The following AUTS2 variants were observed in gnomAD, a reference collection of about 807,000 sequenced individuals.
The protein encoded by AUTS2 is autism susceptibility gene 2 protein.
A neutral mutation model predicts 112.4 loss-of-function variants in AUTS2; 17 were observed. The ratio of observed to expected loss-of-function variants is 0.15; its 90% CI spans 0.10 to 0.23. The LOEUF (loss-of-function observed/expected upper bound fraction) is 0.23, where lower values mean the gene tolerates loss of function less well. AUTS2 is among the 10% of genes least tolerant of loss of function. The pLI, the probability that AUTS2 is intolerant of heterozygous loss-of-function variation, is 1.00. For synonymous variants in AUTS2, 751 were observed against 702.7 expected (o/e 1.07, Z -1.09); for missense variants, 1,510 against 1,701.6 (o/e 0.89, Z 1.98).
intron 5 of AUTS2, among the ~76,000 whole-genome samples, chr7:70,456,862 G>GAGTGTGA (rs1796761109): frequency 6.6e-6 from 1 of 152,214 alleles, no homozygotes; most frequent in Non-Finnish European, 1.5e-5. Context: ...GTGGGCCCTG[G>GAGTGTGA]AGTGTGAAGT....
At chr7:70,485,255 A>T (rs938982073) in intron 5 of AUTS2, among the ~76,000 whole-genome samples, 3 of 152,226 alleles carry the variant, frequency 2.0e-5, no homozygotes, top group Admixed American at 2.0e-4. Flanking sequence ...CAACAAGTGG[A>T]TAAAGAAAAT....
At chr7:70,539,857 A>C (rs548590276) in intron 5 of AUTS2, among the ~76,000 whole-genome samples, 3 of 152,198 alleles carry the variant, frequency 2.0e-5, no homozygotes, top group African/African-American at 7.2e-5. Flanking sequence ...CTGCCAACAA[A>C]ACCAGCGCTG....
chr7:70,266,730 TA>T (rs1043692616), intron 4 of AUTS2, among the ~76,000 whole-genome samples: 1 of 152,170 alleles, frequency 6.6e-6, no homozygotes, highest in South Asian at 2.1e-4. Flanking sequence ...TAAAGCTGTT[TA>T]AAAAAAACCC....
chr7:70,176,971 A>G (rs1298716072), intron 4 of AUTS2, among the ~76,000 whole-genome samples: 1 of 152,232 alleles, frequency 6.6e-6, no homozygotes, highest in Non-Finnish European at 1.5e-5. Flanking sequence ...AGTAAAAAGT[A>G]TATTAGCAAG....
intron 1 of AUTS2, among the ~76,000 whole-genome samples, chr7:69,601,377 G>T (rs1406946248): frequency 6.6e-6 from 1 of 152,090 alleles, no homozygotes; most frequent in Non-Finnish European, 1.5e-5. Flanking sequence ...CTCACATACG[G>T]TAACTGTACA....
rs1199080089 is a variant in AUTS2 at position 70,303,431 on chromosome 7, C to T, written c.661-132321C>T. The stretch of plus-strand genomic sequence containing the variant: ...GTGCACGCACACACACACGCGCGCG[C>T]GCGCACATACACACACACACACACA... On this transcript the variant is annotated intron_variant, in intron 4 of 18. Transcript: ENST00000342771. Among the ~76,000 whole-genome samples, 16 of 133,272 alleles carry T rather than the reference C, an allele frequency of 1.2e-4. No homozygotes were observed. In the South Asian group the frequency reaches 1.2e-3, roughly 10 times the overall value. The allele number at this position is 133,272 out of a possible 152,430, so 87.4% of individuals were successfully genotyped here. A position where few individuals can be genotyped will look rare whatever the true frequency, so the allele number is the denominator to read the frequency against.
intron 5 of AUTS2, among the ~76,000 whole-genome samples, chr7:70,623,766 G>C (rs1007678157): frequency 6.6e-6 from 1 of 152,222 alleles, no homozygotes; most frequent in Non-Finnish European, 1.5e-5. Flanking sequence ...TGCCAAGAAT[G>C]CTGGCCAGGC....
chr7:70,720,212 T>G (rs1441653055), intron 6 of AUTS2, among the ~76,000 whole-genome samples: 1 of 151,744 alleles, frequency 6.6e-6, no homozygotes, highest in East Asian at 1.9e-4. Context: ...ATTTTTTTTT[T>G]TAATGCCACC....
At chr7:70,557,378 C>G (rs1484567425) in intron 5 of AUTS2, among the ~76,000 whole-genome samples, 4 of 152,216 alleles carry the variant, frequency 2.6e-5, no homozygotes, top group Non-Finnish European at 5.9e-5. Context: ...CAGCTCCCAG[C>G]CCTTGGCTGG....
intron 1 of AUTS2, among the ~76,000 whole-genome samples, chr7:69,749,667 T>G (rs1406363985): frequency 1.3e-5 from 2 of 152,224 alleles, no homozygotes; most frequent in Non-Finnish European, 2.9e-5. Flanking sequence ...TATGGCAACT[T>G]TATTCAAAAC....
chr7:69,956,791 C>G (rs1797228689), intron 2 of AUTS2, among the ~76,000 whole-genome samples: 1 of 152,014 alleles, frequency 6.6e-6, no homozygotes. Flanking sequence ...GTGATGTGCT[C>G]CAGTTTGTAT....
intron 5 of AUTS2, 193 bp downstream of exon 5, chr7:70,435,974 T>G: frequency 1.9e-6 from 1 of 536,178 alleles, no homozygotes; most frequent in East Asian, 2.9e-5. Context: ...TCTACCTTTT[T>G]TTCATTTAAA....
At chr7:70,205,504 T>C (rs962376005) in intron 4 of AUTS2, among the ~76,000 whole-genome samples, 15 of 152,176 alleles carry the variant, frequency 9.9e-5, no homozygotes, top group Non-Finnish European at 1.9e-4. Flanking sequence ...CTTTTCTGTA[T>C]TTAGACACAC....
At chr7:70,744,285 A>T (rs1788301850) in intron 6 of AUTS2, among the ~76,000 whole-genome samples, 1 of 152,154 alleles carries the variant, frequency 6.6e-6, no homozygotes, top group South Asian at 2.1e-4. Flanking sequence ...GAGTGACATG[A>T]GGCCATTTGT....
At chr7:69,933,669 T>C (rs1462432392) in intron 2 of AUTS2, among the ~76,000 whole-genome samples, 1 of 152,142 alleles carries the variant, frequency 6.6e-6, no homozygotes, top group African/African-American at 2.4e-5. Context: ...TTTTGTTTTT[T>C]GTTTTTTGTT....
At chr7:70,601,757 G>A (rs1436942407) in intron 5 of AUTS2, among the ~76,000 whole-genome samples, 1 of 151,872 alleles carries the variant, frequency 6.6e-6, no homozygotes, top group East Asian at 1.9e-4. Context: ...CCTGTAAGAG[G>A]GGATCTCAGG....
intron 5 of AUTS2, among the ~76,000 whole-genome samples, chr7:70,559,732 G>A (rs1018599057): frequency 2.6e-5 from 4 of 152,092 alleles, no homozygotes; most frequent in African/African-American, 9.7e-5. Context: ...GCAATGACAT[G>A]AGCAGCTCAT....
chr7:70,448,125 C>T (rs1319130798), intron 5 of AUTS2, among the ~76,000 whole-genome samples: 1 of 152,144 alleles, frequency 6.6e-6, no homozygotes, highest in Non-Finnish European at 1.5e-5. Flanking sequence ...CTTGAATGTA[C>T]TCTCGTGCCT....
chr7:70,690,679 TAGGCCAGAC>T (rs1178217706), intron 5 of AUTS2, among the ~76,000 whole-genome samples: 1 of 152,238 alleles, frequency 6.6e-6, no homozygotes, highest in African/African-American at 2.4e-5. Context: ...TTTGCAAGTA[TAGGCCAGAC>T]AGAGTGGTTC....
Sources: allele counts gnomAD v4.1 joint callset (sites outside exome capture counted in the v4.1 genomes callset), GRCh38; gene constraint gnomAD v4.1.1; transcripts MANE v1.5; gene names NCBI Gene and HGNC (gene_info 2026-07-23, HGNC 2026-07-21).